The following MADD variants were observed in gnomAD, a reference collection of about 807,000 sequenced individuals.
The protein encoded by MADD is MAP kinase activating death domain.
In MADD, 109 loss-of-function variants were observed where a neutral mutation model predicts 176.7. That is an observed-to-expected ratio of 0.62 (90% CI 0.53 to 0.72). MADD has a LOEUF of 0.72. MADD is among the 30% of genes least tolerant of loss of function. MADD has a pLI of 0.00. For missense variants in MADD, 1,914 were observed against 2,045.5 expected, an observed-to-expected ratio of 0.94 and a Z score of 1.24; for synonymous variants, 771 against 771.3, an observed-to-expected ratio of 1.00 and a Z score of 0.01.
intron 27 of MADD, among the ~76,000 whole-genome samples, chr11:47,321,092 A>G (rs2094396908): frequency 6.6e-6 from 1 of 152,210 alleles, no homozygotes; most frequent in African/African-American, 2.4e-5. Flanking sequence ...CCCAAAAACT[A>G]TACCAGTTTA....
At chr11:47,275,277 AT>A in intron 3 of MADD, 118 bp downstream of exon 3, 1 of 823,202 alleles carries the variant, frequency 1.2e-6, no homozygotes, top group Non-Finnish European at 1.9e-6. Flanking sequence ...TATTAAGCAT[AT>A]TTAGAGTATT....
intron 27 of MADD, 152 bp downstream of exon 30, chr11:47,315,479 G>C (rs559962607): frequency 1.9e-6 from 1 of 526,598 alleles, no homozygotes; most frequent in Admixed American, 3.3e-5. Context: ...TGTTTTTTGC[G>C]TGTGTGTTTT....
Position 47,287,778 on chromosome 11 carries a change from A to G in MADD, c.2653+1244A>G, listed in dbSNP as rs982400018. Among the ~76,000 whole-genome samples the G allele has an allele frequency of 3.0e-5, 4 of 133,860 alleles. No individual in the cohort carries two copies. In the East Asian group the frequency reaches 8.9e-4, roughly 30 times the overall value. The allele number at this position is 133,860 out of a possible 152,430, so 87.8% of individuals were successfully genotyped here. A position where few individuals can be genotyped will look rare whatever the true frequency, so the allele number is the denominator to read the frequency against. On this transcript the variant is annotated intron_variant, in intron 15 of 32. Coordinates refer to ENST00000402192, the Ensembl canonical transcript of MADD. Reference sequence around the variant, plus strand: ...TGTGGTAGGAAGTGCAGTGAGAAACATGTATTTTTTTTTTTTTTTTTTTTT... The same window carrying G: ...TGTGGTAGGAAGTGCAGTGAGAAACGTGTATTTTTTTTTTTTTTTTTTTTT...
At chr11:47,276,555 T>C (rs2050066825) in intron 4 of MADD, 177 bp from the exon 5 acceptor site, 1 of 693,570 alleles carries the variant, frequency 1.4e-6, no homozygotes. Context: ...TGACTGAGGA[T>C]CACCATTGTG....
intron 31 of MADD, chr11:47,327,593 C>G (rs890552866): frequency 2.1e-5 from 21 of 985,228 alleles, no homozygotes; most frequent in African/African-American, 5.2e-5. Context: ...CTTGCCTCCC[C>G]CTTCTCACCG....
At chr11:47,324,415 C>T in intron 29 of MADD, 56 bp from the exon 33 acceptor site, 1 of 1,599,950 alleles carries the variant, frequency 6.3e-7, no homozygotes, top group Admixed American at 1.7e-5. Context: ...GCAGGGAAGT[C>T]AGGGGTGGGA....
rs2084542 is a variant in MADD, at chr11:47,277,837, A to C, written c.1096-328A>C. Among the ~76,000 whole-genome samples the C allele has an allele frequency of 9.0e-3, 1,365 of 152,286 alleles. 23 individuals are homozygous for C. Among genetic ancestry groups the C allele is most frequent in the African/African-American group, 0.031 (1,272 of 41,536 alleles). ...ATGCTTCTCAGAACTATTGTCCTGC[A>C]CTTCAGATATGATCAAGCTGCAGTT... On this transcript the variant is annotated intron_variant, in intron 5 of 32. Transcript: ENST00000402192.
At chr11:47,315,496 A>G (rs1241504219) in intron 27 of MADD, among the ~76,000 whole-genome samples, 169 bp downstream of exon 30, 1 of 152,094 alleles carries the variant, frequency 6.6e-6, no homozygotes, top group Non-Finnish European at 1.5e-5. Context: ...TTTTTTTGAG[A>G]TAGTGTCTCG....
At chr11:47,328,401 C>T in intron 31 of MADD, 1 of 1,404,668 alleles carries the variant, frequency 7.1e-7, no homozygotes, top group South Asian at 1.5e-5. Flanking sequence ...TGGGTAGAAT[C>T]ACGGCCATCA....
chr11:47,322,434 C>T (rs752601230), intron 27 of MADD, among the ~76,000 whole-genome samples: 1 of 151,828 alleles, frequency 6.6e-6, no homozygotes, highest in Non-Finnish European at 1.5e-5. Flanking sequence ...GGTGAAACCC[C>T]GTCTCTACTT....
At position 47,311,850 on chromosome 11, in the gene MADD, C is replaced by T. The variant is rs771017628; in HGVS notation, c.4089+8C>T. On this transcript the variant is annotated splice_region_variant and intron_variant, in intron 26 of 32. Coordinates refer to ENST00000402192, the Ensembl canonical transcript of MADD. ...GATCAGCTGGCGAACCTGGTAAGCA[C>T]GTCTGGCCACCCCTTAGGCTTCCCC... The T allele has an allele frequency of 3.8e-6, 6 of 1,581,232 alleles. No individual in the cohort carries two copies. Among genetic ancestry groups the T allele is most frequent in the Admixed American group, 3.3e-5 (2 of 59,914 alleles).
exon 3 of MADD, chr11:47,274,657 G>A (rs1045131119): frequency 1.2e-6 from 2 of 1,614,222 alleles, no homozygotes; most frequent in East Asian, 4.5e-5. Flanking sequence ...CCCAGATGTA[G>A]TGTTCTTCTG....
chr11:47,270,182 G>A (rs1411101159), exon 1 of MADD: 2 of 152,118 alleles, frequency 1.3e-5, no homozygotes, highest in African/African-American at 4.8e-5. Context: ...GCGCTGGGGA[G>A]CGACTGACGC....
chr11:47,283,579 A>G (rs1245404351), intron 10 of MADD, among the ~76,000 whole-genome samples: 4 of 151,150 alleles, frequency 2.6e-5, no homozygotes, highest in Non-Finnish European at 4.4e-5. Context: ...TTTTGTATAT[A>G]TATATTTTTT....
intron 30 of MADD, 71 bp downstream of exon 34, chr11:47,326,623 C>T (rs2095482382): frequency 1.3e-6 from 2 of 1,510,652 alleles, no homozygotes; most frequent in Non-Finnish European, 1.8e-6. Context: ...CTTCTGTCCT[C>T]TCTTTGGGAA....
rs2063192004 is a variant in MADD at position 47,289,174 on chromosome 11, T to C, written c.2654-217T>C. On this transcript the variant is annotated intron_variant, in intron 15 of 32. Transcript: ENST00000402192. ...CCCCCGTGACGCCCATGCTTGCCCA[T>C]GGGGCTTGCTGCTGGTGCATGTGGA... 5 of 883,250 alleles carry C rather than the reference T, an allele frequency of 5.7e-6. No individual in the cohort carries two copies. In the South Asian group the frequency reaches 8.2e-5, roughly 14 times the overall value. The allele number at this position is 883,250 out of a possible 1,614,324, so 54.7% of individuals were successfully genotyped here.
At chr11:47,290,665 G>A in exon 19 of MADD, 1 of 1,614,132 alleles carries the variant, frequency 6.2e-7, no homozygotes, top group Non-Finnish European at 8.5e-7. Context: ...CAGTTGGCAA[G>A]GATCCTGGCC....
rs2093531372 is a variant in MADD at position 47,317,881 on chromosome 11, TGCCTCA to T, written c.4197+2560_4197+2565del. Among the ~76,000 whole-genome samples, 8 of 152,186 alleles carry T rather than the reference TGCCTCA, an allele frequency of 5.3e-5. No homozygotes were observed. In the South Asian group the frequency reaches 1.7e-3, roughly 32 times the overall value. ...ACCTCCCGGGTTCAAGCAGTTCTCC[TGCCTCA>T]GCCTCCCAAGTAGCTGGGTTTACAG... On this transcript the variant is annotated intron_variant, in intron 27 of 32. Coordinates refer to ENST00000402192, the Ensembl canonical transcript of MADD.
intron 27 of MADD, among the ~76,000 whole-genome samples, chr11:47,320,062 TCCG>T (rs2094142195): frequency 6.7e-6 from 1 of 150,094 alleles, no homozygotes; most frequent in African/African-American, 2.4e-5. Flanking sequence ...GATATACCTT[TCCG>T]TGTCTTTTTT....
Sources: allele counts gnomAD v4.1 joint callset (sites outside exome capture counted in the v4.1 genomes callset), GRCh38; gene constraint gnomAD v4.1.1; transcripts MANE v1.5; gene names NCBI Gene and HGNC (gene_info 2026-07-23, HGNC 2026-07-21).